Variants in COL5A2 observed in about 807,000 individuals in gnomAD.
COL5A2 encodes the protein collagen alpha-2(V) chain.
Under a neutral mutation model 208.2 loss-of-function variants are expected in COL5A2, and 23 were observed. The observed-to-expected ratio is 0.11, with a 90% CI of 0.08 to 0.16. The LOEUF (loss-of-function observed/expected upper bound fraction) is 0.16, where lower values mean the gene tolerates loss of function less well. COL5A2 is among the 10% of genes least tolerant of loss of function. The pLI is 1.00. For missense variants in COL5A2, 1,590 were observed against 1,956.4 expected (o/e 0.81, Z 3.53); for synonymous variants, 625 against 628.5 (o/e 0.99, Z 0.08).
chr2:189,422,585 T>C, the COL5A2 span, among the ~76,000 whole-genome samples: 2 of 152,210 alleles, frequency 1.3e-5, no homozygotes, highest in Non-Finnish European at 2.9e-5. Context: ...ACACATTCTC[T>C]CAATGGCACA....
intron 1 of COL5A2, among the ~76,000 whole-genome samples, chr2:189,156,462 A>G (rs1046175643): frequency 6.6e-6 from 1 of 152,302 alleles, no homozygotes; most frequent in Admixed American, 6.5e-5. Flanking sequence ...TTAATATATT[A>G]CTTTTTCACA....
the COL5A2 span, among the ~76,000 whole-genome samples, chr2:189,383,049 C>T: frequency 6.6e-6 from 1 of 152,112 alleles, no homozygotes; most frequent in African/African-American, 2.4e-5. Flanking sequence ...CTTACATCAG[C>T]CATTTAACCA....
the COL5A2 span, among the ~76,000 whole-genome samples, chr2:189,431,967 A>T: frequency 6.6e-6 from 1 of 152,224 alleles, no homozygotes; most frequent in Non-Finnish European, 1.5e-5. Context: ...GTTACCCACA[A>T]GAGGAAGCCC....
the COL5A2 span, among the ~76,000 whole-genome samples, chr2:189,408,628 T>C: frequency 4.6e-5 from 7 of 152,322 alleles, no homozygotes; most frequent in East Asian, 1.3e-3. Flanking sequence ...TGTACTAATT[T>C]ATCTTTTTAC....
chr2:189,217,723 G>A (rs1576588892), intron 1 of COL5A2, among the ~76,000 whole-genome samples: 1 of 152,118 alleles, frequency 6.6e-6, no homozygotes, highest in South Asian at 2.1e-4. Context: ...GCATCTCTAC[G>A]GGTGGTCCAG....
At chr2:189,114,465 A>G (rs1247408788) in intron 1 of COL5A2, among the ~76,000 whole-genome samples, 1 of 152,188 alleles carries the variant, frequency 6.6e-6, no homozygotes, top group Non-Finnish European at 1.5e-5. Context: ...ATATTGCAGT[A>G]AAGTTGTCAT....
intron 51 of COL5A2, among the ~76,000 whole-genome samples, chr2:189,037,684 A>G (rs879838476): frequency 1.3e-5 from 2 of 152,186 alleles, no homozygotes; most frequent in Non-Finnish European, 2.9e-5. Flanking sequence ...AGGGCAGAAC[A>G]ACTATTTGAT....
chr2:189,436,430 C>T, the COL5A2 span, among the ~76,000 whole-genome samples: 5 of 152,014 alleles, frequency 3.3e-5, no homozygotes, highest in East Asian at 5.8e-4. Flanking sequence ...ATGTAAATGA[C>T]GAGTTAATGG....
chr2:189,198,183 G>T (rs1391620661), intron 1 of COL5A2, among the ~76,000 whole-genome samples: 1 of 151,966 alleles, frequency 6.6e-6, no homozygotes, highest in Non-Finnish European at 1.5e-5. Context: ...CTTTATCCTG[G>T]CCATTTTCCA....
intron 30 of COL5A2, among the ~76,000 whole-genome samples, 180 bp from the exon 31 acceptor site, chr2:189,060,963 T>C (rs1351115128): frequency 1.3e-5 from 2 of 152,020 alleles, no homozygotes; most frequent in Non-Finnish European, 2.9e-5. Context: ...AGACTACCAA[T>C]AAAACACAAC....
rs1258234314 is a variant in COL5A2 at position 189,092,359 on chromosome 2, G to A, written c.518C>T (p.Pro173Leu). The change falls in exon 7 of 54, where the codon CCA becomes CTA. Residue 173 changes from proline to leucine, a missense_variant. Transcript: ENST00000374866. ...EPGVPGQPGAPGPPGHPSHPG... is the reference protein window; with the variant it reads ...EPGVPGQPGALGPPGHPSHPG... ...GTGGGACGGATGTCCAGGAGGTCCTGGAGCACCAGGTTGACCAGGAACACC... is the reference window on the plus strand; with the variant it reads ...GTGGGACGGATGTCCAGGAGGTCCTAGAGCACCAGGTTGACCAGGAACACC... 1 of 1,609,630 alleles carries A rather than the reference G, an allele frequency of 6.2e-7. No homozygotes were observed. Among genetic ancestry groups the A allele is most frequent in the Non-Finnish European group, 8.5e-7 (1 of 1,177,990 alleles).
At chr2:189,348,689 T>G in the COL5A2 span, among the ~76,000 whole-genome samples, 4 of 152,126 alleles carry the variant, frequency 2.6e-5, no homozygotes, top group Admixed American at 2.6e-4. Context: ...CCTTCTTGGG[T>G]TAACTGGCAA....
At chr2:189,410,098 G>A in the COL5A2 span, among the ~76,000 whole-genome samples, 1 of 152,108 alleles carries the variant, frequency 6.6e-6, no homozygotes, top group African/African-American at 2.4e-5. Context: ...AAAAGAGAGA[G>A]CTACTGAATC....
intron 1 of COL5A2, among the ~76,000 whole-genome samples, chr2:189,170,255 A>G (rs1029668285): frequency 6.6e-6 from 1 of 152,250 alleles, no homozygotes; most frequent in African/African-American, 2.4e-5. Flanking sequence ...CGGATCACTC[A>G]TACTTGAGTG....
At chr2:189,085,288 T>C (rs1686631925) in intron 10 of COL5A2, 75 bp from the exon 11 acceptor site, 2 of 1,146,454 alleles carry the variant, frequency 1.7e-6, no homozygotes, top group African/African-American at 1.5e-5. Context: ...CAAAACATTA[T>C]TGAGACAAAT....
At chr2:189,087,818 A>G (rs1686697371) in intron 8 of COL5A2, among the ~76,000 whole-genome samples, 1 of 150,724 alleles carries the variant, frequency 6.6e-6, no homozygotes, top group African/African-American at 2.4e-5. Context: ...TTTGAATGGA[A>G]CATATAGTAA....
intron 47 of COL5A2, among the ~76,000 whole-genome samples, chr2:189,044,414 T>C (rs1417244326): frequency 6.6e-6 from 1 of 152,148 alleles, no homozygotes; most frequent in Non-Finnish European, 1.5e-5. Context: ...TGACCCAAAG[T>C]TTCATAATTA....
chr2:189,107,532 G>C (rs1307308668), intron 2 of COL5A2, among the ~76,000 whole-genome samples: 5 of 150,940 alleles, frequency 3.3e-5, no homozygotes, highest in African/African-American at 1.2e-4. Flanking sequence ...TTCAACTTCT[G>C]TTTTTATCTT....
chr2:189,398,639 C>T, the COL5A2 span, among the ~76,000 whole-genome samples: 7 of 152,048 alleles, frequency 4.6e-5, no homozygotes, highest in South Asian at 1.2e-3. Context: ...CTTTTTCATT[C>T]GACCTTTCAC....
Sources: gnomAD v4.1 joint callset for allele counts (sites outside exome capture counted in the v4.1 genomes callset) on GRCh38, gnomAD v4.1.1 for gene constraint, MANE v1.5 for transcripts, NCBI Gene and HGNC (gene_info 2026-07-23, HGNC 2026-07-21) for gene names.